The following ESPN variants were observed in gnomAD, a reference collection of about 807,000 sequenced individuals.
ESPN encodes espin.
In ESPN, 68 loss-of-function variants were observed where a neutral mutation model predicts 77.7. The ratio of observed to expected loss-of-function variants is 0.87; its 90% confidence interval spans 0.72 to 1.07. The LOEUF (loss-of-function observed/expected upper bound fraction) is 1.07. Ranked by LOEUF, ESPN falls within the 50% of genes least tolerant of loss-of-function variation. ESPN has a pLI of 0.00. For missense variants in ESPN, 1,060 were observed against 1,239.0 expected (o/e 0.86, Z 2.17); for synonymous variants, 449 against 567.1 (o/e 0.79, Z 2.96).
intron 7 of ESPN, chr1:6,448,353 C>A (rs1359930744): frequency 7.8e-6 from 3 of 383,514 alleles, no homozygotes; most frequent in Non-Finnish European, 1.4e-5. Context: ...GGCTGGGCCA[C>A]CCCGCCCCTG....
Position 6,444,672 on chromosome 1 carries a change from C to A in ESPN, c.1182C>A (p.His394Gln), listed in dbSNP as rs376401370. 10 of 1,614,068 alleles carry A rather than the reference C, an allele frequency of 6.2e-6. No homozygotes were observed. In the African/African-American group the frequency reaches 1.3e-4, roughly 22 times the overall value. The change falls in exon 6 of 13, where the codon CAC (histidine) becomes CAA (glutamine). Residue 394 changes from histidine to glutamine, a missense_variant. By Grantham distance (24) the His-to-Gln change is conservative. This residue lies in a region of ESPN where 556 missense variants were observed against 633.6 expected (regional missense o/e 0.88). Coordinates refer to ENST00000645284, the MANE Select transcript of ESPN (RefSeq NM_031475.3). ...SSSHSSIKGQ[H>Q]PPCGLSSARA... is the part of the protein sequence containing the mutation. ...GCCACTCCAGCATCAAGGGCCAGCACCCTCCATGTGGTGAGTGTGCCCAGG... is the reference window on the plus strand; with the variant it reads ...GCCACTCCAGCATCAAGGGCCAGCAACCTCCATGTGGTGAGTGTGCCCAGG...
chr1:6,460,842 G>C lies in ESPN; in HGVS notation c.*696G>C, dbSNP rs931877371. The C allele has an allele frequency of 1.9e-5, 5 of 267,684 alleles. No individual in the cohort carries two copies. The South Asian group carries it at 1.9e-4, about 10-fold the overall frequency. The allele number at this position is 267,684 out of a possible 1,614,324, so 16.6% of individuals were successfully genotyped here. On this transcript the variant is annotated 3_prime_UTR_variant, in exon 13 of 13. Transcript: ENST00000645284. ...CCCGGTGGAGTGAATAGAGGATGAGGGGCCCTGACCCTGTGTCTCCAACTG... is the reference window on the plus strand; with the variant it reads ...CCCGGTGGAGTGAATAGAGGATGAGCGGCCCTGACCCTGTGTCTCCAACTG...
At chr1:6,452,189 T>G in intron 10 of ESPN, 93 bp downstream of exon 10, 1 of 1,314,026 alleles carries the variant, frequency 7.6e-7, no homozygotes, top group Non-Finnish European at 1.0e-6. Flanking sequence ...CCTCGGGACC[T>G]CCCATTTTCT....
At chr1:6,461,238 C>G, downstream of ESPN, 2 of 751,552 alleles carry the variant, frequency 2.7e-6, no homozygotes, top group South Asian at 1.5e-5. This position sits in a 1 kb window ranked among gnomAD's most constrained non-coding sequence, Gnocchi z 6.3. Context: ...GTCTTCACCC[C>G]CTCTCGACAT....
chr1:6,434,427 C>T (rs1313246518), intron 2 of ESPN, among the ~76,000 whole-genome samples: 3 of 152,176 alleles, frequency 2.0e-5, no homozygotes, highest in Non-Finnish European at 4.4e-5. Context: ...TCTGTATGCC[C>T]AGAGCCTGAC....
intron 7 of ESPN, among the ~76,000 whole-genome samples, chr1:6,446,243 T>C (rs574693866): frequency 1.2e-3 from 177 of 152,108 alleles, no homozygotes; most frequent in African/African-American, 4.0e-3. Context: ...CGGGTTGTCA[T>C]GGAGTTGACA....
chr1:6,433,388 G>A (rs1284605418), intron 2 of ESPN, among the ~76,000 whole-genome samples: 1 of 152,020 alleles, frequency 6.6e-6, no homozygotes, highest in Non-Finnish European at 1.5e-5. Context: ...AGGTTGCAGT[G>A]AACTAAGATC....
At position 6,428,507 on chromosome 1, in the gene ESPN, T is replaced by C; in HGVS notation, c.488+88T>C. On this transcript the variant is annotated intron_variant, in intron 2 of 12. Transcript: ENST00000645284. The surrounding 1 kb of genome is among the most constrained non-coding windows in gnomAD (Gnocchi z 5.4). ...GGGATTTTCCACGCCTCTCTGGCAC[T>C]CCAGGGCAATGATCCCTCCAGTGGC... is the stretch of plus-strand genomic sequence containing the variant. 2 of 1,178,348 alleles carry C rather than the reference T, an allele frequency of 1.7e-6. No homozygotes were observed. Among genetic ancestry groups the C allele is most frequent in the East Asian group, 2.5e-5 (1 of 40,278 alleles). The allele number at this position is 1,178,348 out of a possible 1,614,324, so 73.0% of individuals were successfully genotyped here.
chr1:6,428,440 G>A lies in ESPN; in HGVS notation c.488+21G>A. The A allele has an allele frequency of 6.3e-7, 1 of 1,589,654 alleles. No individual in the cohort carries two copies. Among genetic ancestry groups the A allele is most frequent in the Non-Finnish European group, 8.6e-7 (1 of 1,164,278 alleles). ...CCTGAGTAAGATCACCCCTCTTAAG[G>A]GGTCCTCTGGGTGGGCTGGGCCAGG... On this transcript the variant is annotated intron_variant, in intron 2 of 12. Coordinates refer to ENST00000645284, the MANE Select transcript of ESPN (RefSeq NM_031475.3). This position sits in a 1 kb window ranked among gnomAD's most constrained non-coding sequence, Gnocchi z 5.4.
At chr1:6,438,338 A>C (rs939714736) in intron 2 of ESPN, among the ~76,000 whole-genome samples, 1 of 152,256 alleles carries the variant, frequency 6.6e-6, no homozygotes, top group Non-Finnish European at 1.5e-5. Context: ...GCCAGGCACC[A>C]GGCCTGTGCT....
chr1:6,446,291 C>A (rs1009245272), intron 7 of ESPN, among the ~76,000 whole-genome samples: 1 of 152,148 alleles, frequency 6.6e-6, no homozygotes, highest in Admixed American at 6.5e-5. Context: ...AAGCATGCCC[C>A]CCCACCCCCA....
intron 12 of ESPN, 131 bp downstream of exon 12, chr1:6,457,503 C>T: frequency 9.5e-7 from 1 of 1,049,442 alleles, no homozygotes; most frequent in Non-Finnish European, 1.5e-6. Flanking sequence ...TCCTTCCTCC[C>T]TATAATACCC....
chr1:6,444,043 T>C (rs910026404), intron 5 of ESPN, among the ~76,000 whole-genome samples: 1 of 152,166 alleles, frequency 6.6e-6, no homozygotes, highest in Non-Finnish European at 1.5e-5. Context: ...CGGGCTGGTG[T>C]TGGGAGTCTG....
chr1:6,426,549 G>T lies in ESPN; in HGVS notation c.294+1300G>T, dbSNP rs532151559. Among the ~76,000 whole-genome samples the T allele has an allele frequency of 1.6e-3, 245 of 152,288 alleles. 1 individual carries two copies. The highest frequency in any genetic ancestry group is 5.5e-3 in the African/African-American group (228 of 41,578). On this transcript the variant is annotated intron_variant, in intron 1 of 12. Coordinates refer to ENST00000645284, the MANE Select transcript of ESPN (RefSeq NM_031475.3). Reference sequence around the variant, plus strand: ...AGAGAGATAAGCTGCTTTAGGGTGTGGTCCACCACGCACGAGGCTCCTGGG... The same window carrying T: ...AGAGAGATAAGCTGCTTTAGGGTGTTGTCCACCACGCACGAGGCTCCTGGG...
At chr1:6,456,965 ATC>A (rs1356618936) in intron 10 of ESPN, among the ~76,000 whole-genome samples, 4 of 152,156 alleles carry the variant, frequency 2.6e-5, no homozygotes, top group Non-Finnish European at 5.9e-5. Flanking sequence ...TTCAGCTCTG[ATC>A]TCTCTGGTGC....
At position 6,424,985 on chromosome 1, in the gene ESPN, G is replaced by T; in HGVS notation, c.30G>T (p.Ala10=). 5 of 1,458,074 alleles carry T rather than the reference G, an allele frequency of 3.4e-6. No individual in the cohort carries two copies. The highest frequency in any genetic ancestry group is 4.5e-6 in the Non-Finnish European group (5 of 1,110,004). 90.3% of individuals were successfully genotyped at this position (1,458,074 alleles called of 1,614,324 possible). The change falls in exon 1 of 13, where the codon GCG becomes GCT. Residue 10 remains alanine (A), a synonymous_variant. Transcript: ENST00000645284. ...CCCTGGAGCAGGCGCTGCAGGCGGC[G>T]CGGCAGGGCGAGCTGGACGTGCTGA... is the stretch of plus-strand genomic sequence containing the variant. The part of the protein sequence containing the change: MALEQALQA[A]RQGELDVLRS...
At chr1:6,426,404 G>T (rs112253929) in intron 1 of ESPN, among the ~76,000 whole-genome samples, 1 of 152,042 alleles carries the variant, frequency 6.6e-6, no homozygotes, top group Admixed American at 6.5e-5. Flanking sequence ...CAGAGGAGCT[G>T]GGAGAAGCAG....
chr1:6,425,026 C>T lies in ESPN; in HGVS notation c.71C>T (p.Ala24Val). ...GACGTGCTGAGGTCGCTGCACGCCGCAGGCCTCCTGGGGCCCTCGCTGCGC... is the reference window on the plus strand; with the variant it reads ...GACGTGCTGAGGTCGCTGCACGCCGTAGGCCTCCTGGGGCCCTCGCTGCGC... Reference protein sequence around the residue: ...ELDVLRSLHAAGLLGPSLRDP... With the variant: ...ELDVLRSLHAVGLLGPSLRDP... Residue 24 changes from alanine (A) to valine (V), a missense_variant, in exon 1 of 13, where the codon GCA becomes GTA. By Grantham distance (64) the Ala-to-Val change is moderately conservative. Coordinates refer to ENST00000645284, the MANE Select transcript of ESPN (RefSeq NM_031475.3). 4.8e-6 allele frequency: 7 copies of T among 1,471,212 alleles called. No homozygotes were observed. The highest frequency in any genetic ancestry group is 6.3e-6 in the Non-Finnish European group (7 of 1,118,138). 91.1% of individuals were successfully genotyped at this position (1,471,212 alleles called of 1,614,324 possible).
intron 2 of ESPN, among the ~76,000 whole-genome samples, chr1:6,429,425 C>T (rs1181589513): frequency 6.6e-6 from 1 of 152,146 alleles, no homozygotes; most frequent in Non-Finnish European, 1.5e-5. Context: ...TTCCAACTGG[C>T]TCCTGTCAGC....
Sources: gnomAD v4.1 joint callset for allele counts (sites outside exome capture counted in the v4.1 genomes callset) on GRCh38, gnomAD v4.1.1 for gene constraint, gnomAD v4.1.1 regional missense constraint, Gnocchi (gnomAD v3.1) non-coding constraint, MANE v1.5 for transcripts, NCBI Gene and HGNC (gene_info 2026-07-23, HGNC 2026-07-21) for gene names.